The following PRIM2 variants were observed in gnomAD, a reference collection of about 807,000 sequenced individuals.
PRIM2 encodes the protein DNA primase large subunit.
A neutral mutation model predicts 67.3 loss-of-function variants in PRIM2; 39 were observed. That is an observed-to-expected ratio of 0.58 (90% CI 0.45 to 0.76). The LOEUF is 0.76. Among genes scored for constraint, PRIM2 ranks in the 30% least tolerant of loss-of-function variants. The probability of loss-of-function intolerance (pLI) is 0.00; values close to 1 mark genes in which losing one functional copy is unlikely to be tolerated. For missense variants in PRIM2, 398 were observed against 598.7 expected (o/e 0.66, Z 3.50); for synonymous variants, 143 against 198.7 (o/e 0.72, Z 2.36).
chr6:57,261,832 G>A, the PRIM2 span, among the ~76,000 whole-genome samples: 12 of 152,152 alleles, frequency 7.9e-5, no homozygotes, highest in Admixed American at 3.9e-4. Flanking sequence ...TCTGTCTTCC[G>A]TGGCTCCAGG....
intron 7 of PRIM2, among the ~76,000 whole-genome samples, chr6:57,418,383 G>GTT (rs34491627): frequency 0.016 from 749 of 47,090 alleles, 77 homozygotes; most frequent in Middle Eastern, 0.031. Context: ...TATGTGTGTG[G>GTT]TTTTTTTTTT....
At chr6:57,551,531 T>C (rs1430367199) in intron 10 of PRIM2, among the ~76,000 whole-genome samples, 5 of 152,232 alleles carry the variant, frequency 3.3e-5, no homozygotes, top group African/African-American at 1.2e-4. Flanking sequence ...TCTTTTGTAC[T>C]ATCTCAGACA....
chr6:57,324,171 T>A (rs1206795412), intron 3 of PRIM2, 30 bp from the exon 4 acceptor site: 1 of 1,259,876 alleles, frequency 7.9e-7, no homozygotes, highest in Admixed American at 1.8e-5. Context: ...TCTAATGCAT[T>A]TATTTTATTC....
the PRIM2 span, among the ~76,000 whole-genome samples, chr6:57,249,239 A>G: frequency 6.6e-6 from 1 of 152,220 alleles, no homozygotes; most frequent in Non-Finnish European, 1.5e-5. Flanking sequence ...TGCAAAAAGC[A>G]TATTTTCCCC....
chr6:57,295,558 A>T, the PRIM2 span, among the ~76,000 whole-genome samples: 1 of 152,210 alleles, frequency 6.6e-6, no homozygotes, highest in Non-Finnish European at 1.5e-5. Context: ...TAGAACCATA[A>T]TTTTTAGCTT....
chr6:57,320,960 T>C (rs567026193), intron 3 of PRIM2, among the ~76,000 whole-genome samples: 2 of 152,168 alleles, frequency 1.3e-5, no homozygotes, highest in Admixed American at 6.5e-5. Flanking sequence ...GCAGCTCAGA[T>C]TGGGGAGGTT....
intron 8 of PRIM2, among the ~76,000 whole-genome samples, chr6:57,528,167 A>G (rs1461966992): frequency 2.0e-4 from 29 of 148,372 alleles, no homozygotes; most frequent in African/African-American, 6.7e-4. Flanking sequence ...ATGTCTTGCT[A>G]TATGTTGCCC....
chr6:57,258,447 T>C, the PRIM2 span, among the ~76,000 whole-genome samples: 2 of 152,178 alleles, frequency 1.3e-5, no homozygotes, highest in Non-Finnish European at 2.9e-5. Flanking sequence ...TTGTTTTTCC[T>C]TGTCAGCTTT....
At chr6:57,409,868 C>T (rs1283303498) in intron 7 of PRIM2, among the ~76,000 whole-genome samples, 1 of 152,204 alleles carries the variant, frequency 6.6e-6, no homozygotes, top group Non-Finnish European at 1.5e-5. Context: ...AAGTATTCAA[C>T]TGACCCAAGA....
At position 57,318,429 on chromosome 6, in the gene PRIM2, CTTCT is replaced by C. The variant is rs762467299; in HGVS notation, c.-9-7_-9-4del. The C allele has an allele frequency of 9.0e-5, 145 of 1,607,228 alleles. No homozygotes were observed. Among genetic ancestry groups the C allele is most frequent in the Middle Eastern group, 1.6e-4 (1 of 6,064 alleles). ...TCATTTTACGCTTTTTGTGTACTTC[CTTCT>C]AAGGTGACCAAGATGGAGTTTTCTG... On this transcript the variant is annotated splice_polypyrimidine_tract_variant and splice_region_variant and intron_variant, in intron 1 of 13. Transcript: ENST00000615550.
intron 12 of PRIM2, 121 bp downstream of exon 12, chr6:57,606,578 TA>T (rs1776566911): frequency 1.7e-6 from 1 of 603,080 alleles, no homozygotes; most frequent in Non-Finnish European, 2.9e-6. Flanking sequence ...CCAGACATCT[TA>T]TCTTCAAGAT....
chr6:57,565,822 C>T (rs1297556847), intron 10 of PRIM2, among the ~76,000 whole-genome samples: 6 of 152,218 alleles, frequency 3.9e-5, no homozygotes, highest in Non-Finnish European at 5.9e-5. Context: ...CACTTTCTTA[C>T]ATAATTTTAG....
the PRIM2 span, among the ~76,000 whole-genome samples, chr6:57,276,446 C>CATAT: frequency 6.6e-6 from 1 of 150,870 alleles, no homozygotes; most frequent in Non-Finnish European, 1.5e-5. Flanking sequence ...ATACCATTTA[C>CATAT]ATATATATAT....
the PRIM2 span, among the ~76,000 whole-genome samples, chr6:57,233,949 C>T: frequency 1.0e-3 from 152 of 152,258 alleles, no homozygotes; most frequent in African/African-American, 3.5e-3. Context: ...ACATGTAAGC[C>T]GCCATCTCTG....
chr6:57,561,714 A>G (rs2127478347), intron 10 of PRIM2, among the ~76,000 whole-genome samples: 1 of 152,270 alleles, frequency 6.6e-6, no homozygotes, highest in Non-Finnish European at 1.5e-5. Flanking sequence ...TTGCTTTTTT[A>G]TCATTCACAT....
At chr6:57,227,682 T>A in the PRIM2 span, among the ~76,000 whole-genome samples, 1 of 151,192 alleles carries the variant, frequency 6.6e-6, no homozygotes, top group Non-Finnish European at 1.5e-5. Context: ...AATTCTTTTC[T>A]CAGTGCTCTC....
the PRIM2 span, among the ~76,000 whole-genome samples, chr6:57,243,719 C>A: frequency 6.6e-6 from 1 of 152,152 alleles, no homozygotes. Context: ...AGGTGATCAT[C>A]CCGCCTCGGC....
chr6:57,256,212 C>A, the PRIM2 span, among the ~76,000 whole-genome samples: 4 of 152,220 alleles, frequency 2.6e-5, no homozygotes, highest in South Asian at 8.3e-4. Context: ...GGGAAAAAGA[C>A]AATTAACTTG....
intron 5 of PRIM2, among the ~76,000 whole-genome samples, chr6:57,375,038 C>T (rs1581840931): frequency 6.6e-6 from 1 of 152,372 alleles, no homozygotes; most frequent in African/African-American, 2.4e-5. Flanking sequence ...TTTCTCTCCT[C>T]CTATTTGAAT....
Sources: allele counts gnomAD v4.1 joint callset (sites outside exome capture counted in the v4.1 genomes callset), GRCh38; gene constraint gnomAD v4.1.1; transcripts MANE v1.5; gene names NCBI Gene and HGNC (gene_info 2026-07-23, HGNC 2026-07-21).